The following RAB3GAP2 variants were observed in gnomAD, a reference collection of about 807,000 sequenced individuals.
RAB3GAP2 encodes rab3 GTPase-activating protein non-catalytic subunit.
RAB3GAP2 carries 87 observed loss-of-function variants against 185.3 expected under a neutral mutation model. The ratio of observed to expected loss-of-function variants is 0.47; its 90% CI spans 0.39 to 0.56. The LOEUF (loss-of-function observed/expected upper bound fraction) is 0.56, where lower values mean the gene tolerates loss of function less well. Ranked by LOEUF, RAB3GAP2 falls within the 20% of genes least tolerant of loss-of-function variation. The probability of loss-of-function intolerance (pLI) is 0.00; values close to 1 mark genes in which losing one functional copy is unlikely to be tolerated. For missense variants in RAB3GAP2, 1,492 were observed against 1,638.2 expected (o/e 0.91, Z 1.54); for synonymous variants, 554 against 576.1 (o/e 0.96, Z 0.55).
intron 1 of RAB3GAP2, among the ~76,000 whole-genome samples, chr1:220,241,770 C>T (rs940583236): frequency 4.0e-5 from 6 of 151,820 alleles, no homozygotes; most frequent in African/African-American, 1.4e-4. Context: ...ATATTAGTCA[C>T]TTAGTCACTT....
rs1287744514 is a variant in RAB3GAP2, at chr1:220,185,625, C to A, written c.1870+26G>T. On this transcript the variant is annotated intron_variant, in intron 18 of 34. Transcript: ENST00000358951. ...TACAAAATTTGAGTTAAGAACATAA[C>A]CTCCAATCAGTACAAACCCTATTAC... is the stretch of plus-strand genomic sequence containing the variant. 9.7e-6 allele frequency: 15 copies of A among 1,546,324 alleles called. No homozygotes were observed. In the African/African-American group the frequency reaches 2.0e-4, roughly 21 times the overall value.
At chr1:220,222,389 G>A (rs775576433) in intron 2 of RAB3GAP2, among the ~76,000 whole-genome samples, 5 of 152,058 alleles carry the variant, frequency 3.3e-5, no homozygotes, top group Non-Finnish European at 5.9e-5. Context: ...GAACCCTAGA[G>A]CTCTCTCACA....
chr1:220,259,932 T>A (rs1290029530), intron 1 of RAB3GAP2, among the ~76,000 whole-genome samples: 1 of 152,052 alleles, frequency 6.6e-6, no homozygotes, highest in Non-Finnish European at 1.5e-5. Context: ...GCAAAGGATA[T>A]GAACAGACAC....
At chr1:220,248,068 C>T (rs1334040187) in intron 1 of RAB3GAP2, among the ~76,000 whole-genome samples, 1 of 151,830 alleles carries the variant, frequency 6.6e-6, no homozygotes, top group Non-Finnish European at 1.5e-5. Flanking sequence ...TAACTAGACA[C>T]TCAGATATAT....
intron 2 of RAB3GAP2, among the ~76,000 whole-genome samples, chr1:220,227,456 C>T (rs942877958): frequency 1.3e-5 from 2 of 152,212 alleles, no homozygotes; most frequent in Non-Finnish European, 1.5e-5. Flanking sequence ...AAACTACTCT[C>T]AAAGAGCTAA....
chr1:220,195,453 C>T (rs940738479), intron 10 of RAB3GAP2, 76 bp from the exon 11 acceptor site: 1 of 1,314,580 alleles, frequency 7.6e-7, no homozygotes, highest in Non-Finnish European at 1.1e-6. Flanking sequence ...ATAAAGCTTA[C>T]TTTAAAATGC....
At position 220,167,355 on chromosome 1, in the gene RAB3GAP2, G is replaced by T; in HGVS notation, c.3025C>A (p.Leu1009Ile). 1 of 1,614,164 alleles carries T rather than the reference G, an allele frequency of 6.2e-7. No homozygotes were observed. Among genetic ancestry groups the T allele is most frequent in the South Asian group, 1.1e-5 (1 of 91,078 alleles). The part of the protein sequence containing the change: ...AYEQFPCSLE[L>I]DVLHAHCCWE... ...CAGCAATGTGCATGCAAGACATCGA[G>T]CTCAAGGCTACAAGGAAACTGCTCA... The change falls in exon 26 of 35, where the codon CTC becomes ATC. Residue 1009 changes from leucine (L) to isoleucine (I), a missense_variant. Leu to Ile is a conservative substitution (Grantham distance 5). This residue lies in a region of RAB3GAP2 where 387 missense variants were observed against 455.3 expected (regional missense o/e 0.85). Transcript: ENST00000358951.
At chr1:220,272,074 G>T (rs537278951) in intron 1 of RAB3GAP2, 149 bp downstream of exon 1, 9 of 725,464 alleles carry the variant, frequency 1.2e-5, no homozygotes, top group Admixed American at 4.1e-5. Context: ...GGTGGGCAGG[G>T]TGTCATCCCG....
In RAB3GAP2 at chr1:220,196,239, A is replaced by T; in HGVS notation, c.960+11T>A. 1 of 1,611,790 alleles carries T rather than the reference A, an allele frequency of 6.2e-7. No individual in the cohort carries two copies. Among genetic ancestry groups the T allele is most frequent in the Non-Finnish European group, 8.5e-7 (1 of 1,177,970 alleles). ...AGCAGCCTTACTCATGATCATTGAT[A>T]AAACTCATACCTCTAAAGCATAGAA... On this transcript the variant is annotated intron_variant, in intron 10 of 34. Coordinates refer to ENST00000358951, the MANE Select transcript of RAB3GAP2 (RefSeq NM_012414.4).
chr1:220,215,070 A>G (rs1446993684), intron 2 of RAB3GAP2, among the ~76,000 whole-genome samples: 6 of 150,644 alleles, frequency 4.0e-5, no homozygotes, highest in Non-Finnish European at 4.4e-5. Flanking sequence ...TCTGCATAGT[A>G]TTCCATTTTA....
chr1:220,247,570 G>T (rs1032559424), intron 1 of RAB3GAP2, among the ~76,000 whole-genome samples: 3 of 152,152 alleles, frequency 2.0e-5, no homozygotes, highest in African/African-American at 7.2e-5. Flanking sequence ...CATACAGAGT[G>T]ATATAATGAA....
intron 1 of RAB3GAP2, among the ~76,000 whole-genome samples, chr1:220,269,731 G>A (rs1660300397): frequency 6.6e-6 from 1 of 151,976 alleles, no homozygotes; most frequent in Admixed American, 6.6e-5. Flanking sequence ...CAAAAAAAAA[G>A]GCAATGTTGT....
chr1:220,167,466 A>G (rs1484197695), intron 25 of RAB3GAP2, 36 bp downstream of exon 25: 1 of 1,613,642 alleles, frequency 6.2e-7, no homozygotes, highest in Non-Finnish European at 8.5e-7. Context: ...CATCTTTCCA[A>G]TTTGGATTTC....
intron 1 of RAB3GAP2, among the ~76,000 whole-genome samples, chr1:220,265,408 AG>A (rs1279253785): frequency 6.6e-4 from 101 of 152,242 alleles, no homozygotes; most frequent in African/African-American, 2.4e-3. Context: ...TTTTACTATT[AG>A]GTAAATCAAG....
intron 31 of RAB3GAP2, among the ~76,000 whole-genome samples, chr1:220,155,816 T>C (rs1204348993): frequency 6.6e-6 from 1 of 152,160 alleles, no homozygotes; most frequent in Non-Finnish European, 1.5e-5. Flanking sequence ...TCTGGATGTG[T>C]TCTGGTTTCA....
intron 1 of RAB3GAP2, among the ~76,000 whole-genome samples, chr1:220,260,918 A>C (rs1660124071): frequency 6.6e-6 from 1 of 152,208 alleles, no homozygotes; most frequent in Non-Finnish European, 1.5e-5. Context: ...GAATTTTTTA[A>C]AATTTAATTA....
In RAB3GAP2 at chr1:220,182,238, G is replaced by T. The variant is rs1658423085; in HGVS notation, c.2310+19C>A. On this transcript the variant is annotated intron_variant, in intron 21 of 34. Transcript: ENST00000358951. ...CATTCACAAGGAAGAACAGCATCCA[G>T]CAACCAAAAAAACCTTACCAACAAC... The T allele has an allele frequency of 1.2e-6, 2 of 1,613,588 alleles. No individual in the cohort carries two copies. The highest frequency in any genetic ancestry group is 8.5e-7 in the Non-Finnish European group (1 of 1,179,820).
At chr1:220,229,167 T>C (rs1659454669) in intron 2 of RAB3GAP2, among the ~76,000 whole-genome samples, 1 of 152,094 alleles carries the variant, frequency 6.6e-6, no homozygotes, top group Non-Finnish European at 1.5e-5. Flanking sequence ...TCAGCTGCAA[T>C]AGTGGCACAT....
chr1:220,180,077 G>A (rs1453012866), intron 21 of RAB3GAP2, among the ~76,000 whole-genome samples: 5 of 152,122 alleles, frequency 3.3e-5, no homozygotes, highest in East Asian at 1.9e-4. Flanking sequence ...CAGGAGAATC[G>A]CTTGAACCCA....
Sources: gnomAD v4.1 joint callset for allele counts (sites outside exome capture counted in the v4.1 genomes callset) on GRCh38, gnomAD v4.1.1 for gene constraint, gnomAD v4.1.1 regional missense constraint, MANE v1.5 for transcripts, NCBI Gene and HGNC (gene_info 2026-07-23, HGNC 2026-07-21) for gene names.